Variants in MTMR6 observed in about 807,000 individuals in gnomAD.
MTMR6 encodes myotubularin related protein 6.
MTMR6 carries 47 observed loss-of-function variants against 80.1 expected under a neutral mutation model. That is an observed-to-expected ratio of 0.59 (90% CI 0.46 to 0.75). The LOEUF is 0.75. Among genes scored for constraint, MTMR6 ranks in the 30% least tolerant of loss-of-function variants. MTMR6 has a pLI of 0.00. For missense variants in MTMR6, 629 were observed against 730.9 expected (o/e 0.86, Z 1.61); for synonymous variants, 254 against 253.0 (o/e 1.00, Z -0.04).
rs1338593917 is a variant in MTMR6, at chr13:25,251,668, T to A, written c.1586A>T (p.Asp529Val). Residue 529 changes from aspartate (D) to valine (V), a missense_variant, in exon 13 of 14, where the codon GAT becomes GTT. Asp to Val is a radical substitution (Grantham distance 152). Coordinates refer to ENST00000381801, the MANE Select transcript of MTMR6 (RefSeq NM_004685.5). This position sits in a 1 kb window ranked among gnomAD's most constrained non-coding sequence, Gnocchi z 4.1. ...MNEQNKQLEK[D>V]IKDLESKIKQ... ...ACTTACAGATTCTAGGTCTTTAATATCTTTCTCTAATTGTTTATTTTGCTC... is the reference window on the plus strand; with the variant it reads ...ACTTACAGATTCTAGGTCTTTAATAACTTTCTCTAATTGTTTATTTTGCTC... 1.3e-6 allele frequency: 2 copies of A among 1,516,284 alleles called. No homozygotes were observed. The highest frequency in any genetic ancestry group is 2.3e-5 in the East Asian group (1 of 44,200). The allele number at this position is 1,516,284 out of a possible 1,614,324, so 93.9% of individuals were successfully genotyped here.
chr13:25,263,873 G>A (rs369648091), intron 5 of MTMR6, among the ~76,000 whole-genome samples: 24 of 152,184 alleles, frequency 1.6e-4, no homozygotes, highest in African/African-American at 4.8e-4. Flanking sequence ...GAAACAAAGC[G>A]AGACCTTGTC....
intron 1 of MTMR6, among the ~76,000 whole-genome samples, chr13:25,282,762 T>C (rs1957883274): frequency 6.6e-6 from 1 of 151,748 alleles, no homozygotes; most frequent in Non-Finnish European, 1.5e-5. Context: ...CCCGCCACCA[T>C]GCCCAGCTAA....
rs1482414586 is a variant in MTMR6, at chr13:25,251,960, C to T, written c.1371G>A (p.Leu457=). The change falls in exon 12 of 14, where the codon CTG becomes CTA. Residue 457 remains leucine (L), a synonymous_variant. Coordinates refer to ENST00000381801, the MANE Select transcript of MTMR6 (RefSeq NM_004685.5). The surrounding 1 kb of genome is among the most constrained non-coding windows in gnomAD (Gnocchi z 4.1). ...TTTGGTCTTCCAAAAGAAATGGCCACAGGGAATAAGTCTTCTCCTTCAACC... is the reference window on the plus strand; with the variant it reads ...TTTGGTCTTCCAAAAGAAATGGCCATAGGGAATAAGTCTTCTCCTTCAACC... ...ELKLKEKTYS[L]WPFLLEDQKK... The T allele has an allele frequency of 2.5e-6, 4 of 1,611,278 alleles. No homozygotes were observed. The highest frequency in any genetic ancestry group is 1.1e-5 in the South Asian group (1 of 90,412).
intron 1 of MTMR6, among the ~76,000 whole-genome samples, chr13:25,286,480 T>G (rs1158610723): frequency 6.6e-6 from 1 of 152,264 alleles, no homozygotes; most frequent in Non-Finnish European, 1.5e-5. Flanking sequence ...AACATTCTGA[T>G]GTCATTTCCT....
At chr13:25,261,235 G>A (rs1957329665) in intron 6 of MTMR6, among the ~76,000 whole-genome samples, 1 of 138,884 alleles carries the variant, frequency 7.2e-6, no homozygotes, top group African/African-American at 2.6e-5. Context: ...CTTGAACTGG[G>A]AGGCAGAGGT....
intron 6 of MTMR6, 138 bp from the exon 7 acceptor site, chr13:25,258,830 C>T (rs1957272870): frequency 6.5e-6 from 4 of 617,086 alleles, no homozygotes; most frequent in Non-Finnish European, 1.0e-5. Flanking sequence ...AGCTACCATT[C>T]ATCTTTTAGT....
intron 1 of MTMR6, among the ~76,000 whole-genome samples, chr13:25,284,219 T>G (rs1957913777): frequency 6.6e-6 from 1 of 152,164 alleles, no homozygotes; most frequent in African/African-American, 2.4e-5. Context: ...AACAATTAGA[T>G]TAAAACTAGA....
intron 6 of MTMR6, among the ~76,000 whole-genome samples, chr13:25,260,270 G>C (rs1404462372): frequency 6.6e-6 from 1 of 151,692 alleles, no homozygotes; most frequent in Non-Finnish European, 1.5e-5. Flanking sequence ...CCAGGTTCAA[G>C]TGATTCTCCT....
intron 1 of MTMR6, among the ~76,000 whole-genome samples, chr13:25,282,621 T>C: frequency 6.6e-6 from 1 of 150,762 alleles, no homozygotes; most frequent in African/African-American, 2.5e-5. Flanking sequence ...CTTTTTTTTT[T>C]TTTGAGACAG....
intron 6 of MTMR6, 132 bp downstream of exon 6, chr13:25,261,536 A>C: frequency 2.7e-6 from 2 of 739,786 alleles, no homozygotes; most frequent in Non-Finnish European, 3.9e-6. Flanking sequence ...TGATTTCCTT[A>C]GTATCATTAG....
intron 6 of MTMR6, among the ~76,000 whole-genome samples, chr13:25,261,333 A>AG (rs1957335356): frequency 7.3e-6 from 1 of 137,574 alleles, no homozygotes; most frequent in Non-Finnish European, 1.5e-5. Context: ...AAAAAAAAAA[A>AG]GAATAGTAAC....
chr13:25,269,775 C>G (rs1957530672), intron 2 of MTMR6, among the ~76,000 whole-genome samples: 1 of 152,060 alleles, frequency 6.6e-6, no homozygotes, highest in African/African-American at 2.4e-5. Flanking sequence ...ATGAGAGAAG[C>G]AGTTGTCAAT....
rs777373985 is a variant in MTMR6 at position 25,274,052 on chromosome 13, C to A, written c.141+19G>T. ...TCCATTATTATTATGATAAATAGTA[C>A]AGCTGCGGTCCTCCTTACCCAGGTT... On this transcript the variant is annotated intron_variant, in intron 2 of 13. Transcript: ENST00000381801. 5.8e-6 allele frequency: 8 copies of A among 1,369,016 alleles called. No homozygotes were observed. The highest frequency in any genetic ancestry group is 2.3e-5 in the East Asian group (1 of 43,574). 84.8% of individuals were successfully genotyped at this position (1,369,016 alleles called of 1,614,324 possible). A position where few individuals can be genotyped will look rare whatever the true frequency, so the allele number is the denominator to read the frequency against.
intron 2 of MTMR6, among the ~76,000 whole-genome samples, chr13:25,273,694 T>G (rs1957635330): frequency 6.6e-6 from 1 of 151,928 alleles, no homozygotes; most frequent in Non-Finnish European, 1.5e-5. Context: ...CCCAGCTAAT[T>G]TTTTGTATTT....
intron 1 of MTMR6, among the ~76,000 whole-genome samples, chr13:25,277,857 TGG>T (rs145760408): frequency 6.6e-6 from 1 of 152,292 alleles, no homozygotes; most frequent in East Asian, 1.9e-4. Flanking sequence ...CTTATCAAGG[TGG>T]GAAATTTGTG....
intron 9 of MTMR6, among the ~76,000 whole-genome samples, chr13:25,256,541 G>C (rs1356602858): frequency 1.3e-5 from 2 of 152,058 alleles, no homozygotes; most frequent in Non-Finnish European, 2.9e-5. Context: ...TTTACCATGA[G>C]TTAAGATGTA....
In MTMR6 at chr13:25,247,707, T is replaced by C. The variant is rs1205127502; in HGVS notation, c.*1525A>G. On this transcript the variant is annotated 3_prime_UTR_variant, in exon 14 of 14. Transcript: ENST00000381801. The stretch of plus-strand genomic sequence containing the variant: ...AAAAAGGAATATTTTTTAAATTACA[T>C]AATGTATTACAGAAAAGCATTGGAA... 5 of 152,170 alleles carry C rather than the reference T, an allele frequency of 3.3e-5. No individual in the cohort carries two copies. Among genetic ancestry groups the C allele is most frequent in the South Asian group, 4.1e-4 (2 of 4,830 alleles). The allele number at this position is 152,170 out of a possible 1,614,324, so 9.4% of individuals were successfully genotyped here. A position where few individuals can be genotyped will look rare whatever the true frequency, so the allele number is the denominator to read the frequency against.
chr13:25,282,711 T>C (rs998046223), intron 1 of MTMR6, among the ~76,000 whole-genome samples: 2 of 151,714 alleles, frequency 1.3e-5, no homozygotes, highest in African/African-American at 2.4e-5. Context: ...GTTCAAGTGA[T>C]TATCATGCCT....
Position 25,280,322 on chromosome 13 carries a change from A to C in MTMR6, c.25-6135T>G, listed in dbSNP as rs557873545. Among the ~76,000 whole-genome samples the C allele has an allele frequency of 2.0e-5, 3 of 152,344 alleles. No individual in the cohort carries two copies. In the East Asian group the frequency reaches 5.8e-4, roughly 29 times the overall value. On this transcript the variant is annotated intron_variant, in intron 1 of 13. Coordinates refer to ENST00000381801, the MANE Select transcript of MTMR6 (RefSeq NM_004685.5). ...GCTTCAATGGGTAATCTCCATATGA[A>C]TGTGACAGATAGTGAAATTAATCTG...
Sources: allele counts gnomAD v4.1 joint callset (sites outside exome capture counted in the v4.1 genomes callset), GRCh38; gene constraint gnomAD v4.1.1; non-coding constraint Gnocchi (gnomAD v3.1); transcripts MANE v1.5; gene names NCBI Gene and HGNC (gene_info 2026-07-23, HGNC 2026-07-21).